PARVB: variants seen among roughly 807,000 people sequenced by gnomAD.
The protein encoded by PARVB is beta-parvin.
Under a neutral mutation model 47.0 loss-of-function variants are expected in PARVB, and 46 were observed. That is an observed-to-expected ratio of 0.98 (90% CI 0.77 to 1.25). The LOEUF is 1.25. Among genes scored for constraint, PARVB ranks in the 50% most tolerant of loss-of-function variants. The pLI is 0.00. For missense variants in PARVB, 473 were observed against 471.6 expected (o/e 1.00, Z -0.03); for synonymous variants, 196 against 196.3 (o/e 1.00, Z 0.01).
chr22:44,133,087 T>TC (rs1256209427), intron 6 of PARVB, 78 bp downstream of exon 6: 20 of 903,538 alleles, frequency 2.2e-5, no homozygotes, highest in Admixed American at 2.4e-5. Flanking sequence ...TTTCCTGCCC[T>TC]CCCCCTCCTT....
intron 3 of PARVB, among the ~76,000 whole-genome samples, chr22:44,101,416 AT>A (rs1245099982): frequency 0.024 from 3,396 of 144,190 alleles, 110 homozygotes; most frequent in East Asian, 0.11. Context: ...TCAAAAAAAA[AT>A]AAAAAATAAA....
At chr22:44,052,802 G>T (rs913790730) in intron 1 of PARVB, among the ~76,000 whole-genome samples, 5 of 152,162 alleles carry the variant, frequency 3.3e-5, no homozygotes, top group Admixed American at 1.3e-4. Flanking sequence ...AATTAGTTGG[G>T]TGTGTTGGTG....
chr22:44,154,706 T>G, intron 10 of PARVB, among the ~76,000 whole-genome samples: 1 of 147,204 alleles, frequency 6.8e-6, no homozygotes, highest in African/African-American at 2.5e-5. Context: ...CTGTGTGGTG[T>G]GTGTGTGTGG....
upstream of PARVB, among the ~76,000 whole-genome samples, chr22:44,023,554 A>C (rs2050679729): frequency 7.5e-6 from 1 of 133,106 alleles, no homozygotes; most frequent in East Asian, 2.0e-4. Context: ...AAATAAAATA[A>C]AATAAAATAA....
chr22:44,107,207 GTGT>G (rs2052587354), intron 3 of PARVB: 1 of 152,266 alleles, frequency 6.6e-6, no homozygotes, highest in African/African-American at 2.4e-5. Context: ...ATCTTTGCTG[GTGT>G]TTCTTCCTGT....
At chr22:44,134,350 C>A (rs539371888) in intron 6 of PARVB, among the ~76,000 whole-genome samples, 45 of 152,262 alleles carry the variant, frequency 3.0e-4, no homozygotes, top group African/African-American at 1.1e-3. Context: ...CACAGGCAGC[C>A]GGCCTGAAAA....
In PARVB at chr22:44,172,869, G is replaced by A; in HGVS notation, c.*4191G>A. 5.9e-6 allele frequency: 5 copies of A among 854,500 alleles called. No homozygotes were observed. Among genetic ancestry groups the A allele is most frequent in the Non-Finnish European group, 8.0e-6 (5 of 626,082 alleles). The allele number at this position is 854,500 out of a possible 1,614,324, so 52.9% of individuals were successfully genotyped here. On this transcript the variant is annotated 3_prime_UTR_variant, in exon 13 of 13. Transcript: ENST00000338758. Reference sequence around the variant, plus strand: ...CCGGGCAAACACTTCTTCCGCCAGGGATGCGGTTAGGACAATGCCACGTGG... The same window carrying A: ...CCGGGCAAACACTTCTTCCGCCAGGAATGCGGTTAGGACAATGCCACGTGG...
At chr22:44,092,198 C>A (rs1267217922) in intron 1 of PARVB, among the ~76,000 whole-genome samples, 1 of 152,170 alleles carries the variant, frequency 6.6e-6, no homozygotes, top group Non-Finnish European at 1.5e-5. Context: ...GCAACCTCCG[C>A]CTCCTGGGTT....
chr22:44,010,819 T>C (rs1230031130), intron 2 of PARVB, among the ~76,000 whole-genome samples: 1 of 151,660 alleles, frequency 6.6e-6, no homozygotes, highest in African/African-American at 2.4e-5. Context: ...TTACGACATA[T>C]GAAAATTATG....
rs1289497713 is a variant in PARVB, at chr22:44,049,024, G to A, written c.112+24573G>A. ...CCATTTTGCCGAGGAGGGAACAGAAGTGTGGAGTCCTCCCAGCCACATGGC... is the reference window on the plus strand; with the variant it reads ...CCATTTTGCCGAGGAGGGAACAGAAATGTGGAGTCCTCCCAGCCACATGGC... On this transcript the variant is annotated intron_variant, in intron 1 of 12. Transcript: ENST00000338758. The surrounding 1 kb of genome is among the most constrained non-coding windows in gnomAD (Gnocchi z 4.0). Among the ~76,000 whole-genome samples the A allele has an allele frequency of 6.6e-6, 1 of 152,250 alleles. No individual in the cohort carries two copies. Among genetic ancestry groups the A allele is most frequent in the African/African-American group, 2.4e-5 (1 of 41,468 alleles).
chr22:44,147,194 C>T (rs766460397), intron 8 of PARVB: 25 of 181,306 alleles, frequency 1.4e-4, no homozygotes, highest in Non-Finnish European at 2.3e-4. Context: ...TCCCATGGCA[C>T]GTGGGAGAGA....
At chr22:44,164,729 T>C (rs2147187620) in intron 12 of PARVB, among the ~76,000 whole-genome samples, 1 of 152,162 alleles carries the variant, frequency 6.6e-6, no homozygotes, top group East Asian at 1.9e-4. Flanking sequence ...CCCTGCTCCC[T>C]CTCCTGAGTC....
At chr22:44,035,641 G>A (rs2050908555) in intron 1 of PARVB, among the ~76,000 whole-genome samples, 1 of 152,060 alleles carries the variant, frequency 6.6e-6, no homozygotes, top group Admixed American at 6.5e-5. Flanking sequence ...AAAGTGCTGG[G>A]ATTACGGGTG....
Position 44,119,136 on chromosome 22 carries a change from CT to C in PARVB, c.374del (p.Leu125TrpfsTer9). On this transcript the variant is annotated frameshift_variant, in exon 4 of 13. Transcript: ENST00000338758. LOFTEE classifies it high-confidence loss of function. ...LYDGQVLQKL[L>X]EKLAGCKLNV... ...ATGACGGCCAGGTGCTGCAGAAGCT[CT>C]TGGGTGAGTTCACAGCAGGGACAGC... 6.2e-7 allele frequency: 1 copy of C among 1,610,112 alleles called. No individual in the cohort carries two copies. The highest frequency in any genetic ancestry group is 8.5e-7 in the Non-Finnish European group (1 of 1,176,400).
At position 44,009,883 on chromosome 22, in the gene PARVB, C is replaced by G. The variant is rs182786418; in HGVS notation, c.211+10210C>G. 8.0e-4 allele frequency among the ~76,000 whole-genome samples: 120 copies of G among 150,316 alleles called. 1 individual carries two copies. The highest frequency in any genetic ancestry group is 1.5e-3 in the South Asian group (7 of 4,740). ...AGTGCGGCGGCGTGATCTCAGCTCA[C>G]TGCAACCTCTGCCTCCTGGGTTCAA... On this transcript the variant is annotated intron_variant, in intron 2 of 13. Coordinates refer to the PARVB transcript ENST00000406477.
chr22:44,131,830 A>G (rs6006673), intron 5 of PARVB, among the ~76,000 whole-genome samples: 7,971 of 152,240 alleles, frequency 0.052, 703 homozygotes, highest in African/African-American at 0.18. Context: ...TAGAAAAGGG[A>G]CCTGGTCAGG....
At chr22:44,018,891 G>A (rs533627591) in intron 2 of PARVB, among the ~76,000 whole-genome samples, 11 of 141,454 alleles carry the variant, frequency 7.8e-5, no homozygotes, top group African/African-American at 2.7e-4. Flanking sequence ...ATAAAGGAAC[G>A]CCTGGAGCTG....
chr22:44,027,701 C>T (rs529824145), intron 1 of PARVB, among the ~76,000 whole-genome samples: 2 of 152,158 alleles, frequency 1.3e-5, no homozygotes, highest in South Asian at 2.1e-4. Flanking sequence ...AATTCGAGAC[C>T]AGCCTGGTCA....
chr22:43,999,839 A>G (rs897610544), intron 2 of PARVB, among the ~76,000 whole-genome samples: 139 of 132,594 alleles, frequency 1.0e-3, no homozygotes, highest in Admixed American at 2.7e-3. Flanking sequence ...TATATGAAAA[A>G]AAAAAAAAAA....
Sources: gnomAD v4.1 joint callset for allele counts (sites outside exome capture counted in the v4.1 genomes callset) on GRCh38, gnomAD v4.1.1 for gene constraint, Gnocchi (gnomAD v3.1) non-coding constraint, MANE v1.5 for transcripts, NCBI Gene and HGNC (gene_info 2026-07-23, HGNC 2026-07-21) for gene names.